SUGP1: variants seen among roughly 807,000 people sequenced by gnomAD.
The protein encoded by SUGP1 is SURP and G-patch domain containing 1.
SUGP1 carries 34 observed loss-of-function variants against 76.5 expected under a neutral mutation model. That is an observed-to-expected ratio of 0.44 (90% CI 0.34 to 0.59). SUGP1 has a LOEUF of 0.59. Ranked by LOEUF, SUGP1 falls within the 20% of genes least tolerant of loss-of-function variation. SUGP1 has a pLI of 0.01. For missense variants in SUGP1, 752 were observed against 851.7 expected, an observed-to-expected ratio of 0.88 and a Z score of 1.46; for synonymous variants, 326 against 326.2, an observed-to-expected ratio of 1.00 and a Z score of 0.01.
At chr19:19,276,809 G>GC in intron 13 of SUGP1, 135 bp from the exon 14 acceptor site, 1 of 1,538,486 alleles carries the variant, frequency 6.5e-7, no homozygotes. Context: ...ACGGGTGGGG[G>GC]CTTGAATGCA....
chr19:19,288,525 G>A (rs1376018384), intron 8 of SUGP1, among the ~76,000 whole-genome samples: 3 of 152,104 alleles, frequency 2.0e-5, no homozygotes, highest in Non-Finnish European at 4.4e-5. Flanking sequence ...TAGAGGCTGA[G>A]GTGGGCAGAC....
chr19:19,280,539 A>G lies in SUGP1; in HGVS notation c.1244-248T>C, dbSNP rs2061090450. On this transcript the variant is annotated intron_variant, in intron 8 of 13. Coordinates refer to ENST00000247001, the MANE Select transcript of SUGP1 (RefSeq NM_172231.4). ...GGCTCTACGCACCACCACATTGCAG[A>G]TGTGGACACCAAGAATCAGAGGTTC... 2.3e-5 allele frequency: 11 copies of G among 475,828 alleles called. No homozygotes were observed. In the Admixed American group the frequency reaches 3.7e-4, roughly 16 times the overall value. 29.5% of individuals were successfully genotyped at this position (475,828 alleles called of 1,614,324 possible).
intron 9 of SUGP1, 138 bp from the exon 10 acceptor site, chr19:19,279,528 G>A: frequency 1.1e-6 from 1 of 930,414 alleles, no homozygotes; most frequent in Non-Finnish European, 1.6e-6. Context: ...ACTGGAGCAA[G>A]GACTCTAGCA....
At chr19:19,308,069 C>T (rs1256141509) in intron 3 of SUGP1, among the ~76,000 whole-genome samples, 2 of 152,152 alleles carry the variant, frequency 1.3e-5, no homozygotes, top group Non-Finnish European at 2.9e-5. Flanking sequence ...TGCTCTGTCT[C>T]CTAGGCTAGA....
intron 7 of SUGP1, chr19:19,301,754 A>G (rs2061273430): frequency 1.3e-5 from 2 of 154,924 alleles, no homozygotes; most frequent in Admixed American, 1.3e-4. Flanking sequence ...ATGGCCGGGG[A>G]TGGCAGGGAG....
At chr19:19,303,663 C>T (rs921663997) in intron 5 of SUGP1, 61 bp downstream of exon 5, 6 of 1,588,386 alleles carry the variant, frequency 3.8e-6, no homozygotes, top group African/African-American at 1.3e-5. Flanking sequence ...CAGCCCCACA[C>T]GTGCGACTGT....
At chr19:19,318,558 G>A (rs2146634421) in intron 1 of SUGP1, among the ~76,000 whole-genome samples, 1 of 152,096 alleles carries the variant, frequency 6.6e-6, no homozygotes, top group Admixed American at 6.5e-5. Context: ...CCACCCGAGT[G>A]GCTAGGACTA....
At chr19:19,311,378 T>G (rs1859287) in intron 2 of SUGP1, among the ~76,000 whole-genome samples, 1 of 150,774 alleles carries the variant, frequency 6.6e-6, no homozygotes, top group Non-Finnish European at 1.5e-5. Context: ...GAAGATAAAA[T>G]ATAAAATGCC....
intron 8 of SUGP1, among the ~76,000 whole-genome samples, chr19:19,289,987 G>A (rs140123619): frequency 3.9e-5 from 6 of 152,038 alleles, no homozygotes; most frequent in Admixed American, 6.6e-5. Flanking sequence ...CCATGTACTC[G>A]GCCCCCAACC....
chr19:19,294,021 C>A (rs1459309995), intron 8 of SUGP1, among the ~76,000 whole-genome samples: 2 of 151,634 alleles, frequency 1.3e-5, no homozygotes, highest in Non-Finnish European at 2.9e-5. Flanking sequence ...CTCATATCGA[C>A]ACAAAAAATG....
In SUGP1 at chr19:19,316,322, G is replaced by A. The variant is rs989135442; in HGVS notation, c.206+100C>T. On this transcript the variant is annotated intron_variant, in intron 2 of 13. Transcript: ENST00000247001. ...TCCTTGGATCATCAGGCTATGGCTG[G>A]GTGCAAGCACATGCTGACTGCCCTC... 50 of 1,425,366 alleles carry A rather than the reference G, an allele frequency of 3.5e-5. 1 individual carries two copies. Among genetic ancestry groups the A allele is most frequent in the Non-Finnish European group, 4.7e-5 (49 of 1,046,304 alleles). 88.3% of individuals were successfully genotyped at this position (1,425,366 alleles called of 1,614,324 possible).
chr19:19,294,637 G>T (rs924106510), intron 8 of SUGP1, among the ~76,000 whole-genome samples: 1 of 151,636 alleles, frequency 6.6e-6, no homozygotes, highest in African/African-American at 2.4e-5. Context: ...CCTTAAAAAT[G>T]ACACCAAAAG....
intron 4 of SUGP1, 88 bp downstream of exon 4, chr19:19,305,761 C>A: frequency 7.3e-7 from 1 of 1,367,244 alleles, no homozygotes; most frequent in Non-Finnish European, 1.0e-6. Flanking sequence ...CACCCATGCC[C>A]CTGGCAGCAC....
chr19:19,276,305 CCT>C lies in SUGP1; in HGVS notation c.*341_*342del, dbSNP rs2061049169. 1 of 250,724 alleles carries C rather than the reference CCT, an allele frequency of 4.0e-6. No individual in the cohort carries two copies. Among genetic ancestry groups the C allele is most frequent in the Non-Finnish European group, 7.9e-6 (1 of 127,368 alleles). 15.5% of individuals were successfully genotyped at this position (250,724 alleles called of 1,614,324 possible). ...ACCTCCAGTGATCCGCCCGCCTTGGCCTCTCAAAGTGCTGGGATGACAGGGGT... is the reference window on the plus strand; with the variant it reads ...ACCTCCAGTGATCCGCCCGCCTTGGCCTCAAAGTGCTGGGATGACAGGGGT... On this transcript the variant is annotated 3_prime_UTR_variant, in exon 14 of 14. Coordinates refer to ENST00000247001, the MANE Select transcript of SUGP1 (RefSeq NM_172231.4).
intron 7 of SUGP1, among the ~76,000 whole-genome samples, chr19:19,299,466 G>A (rs1426259841): frequency 6.6e-6 from 1 of 151,950 alleles, no homozygotes; most frequent in African/African-American, 2.4e-5. Context: ...TCCGCCTCCC[G>A]GGTTCAGGCA....
intron 3 of SUGP1, 85 bp from the exon 4 acceptor site, chr19:19,306,161 C>CG (rs2061316658): frequency 1.1e-5 from 15 of 1,326,048 alleles, no homozygotes; most frequent in Admixed American, 3.0e-5. Flanking sequence ...CTGTGGGCCC[C>CG]GGGGGAGCTG....
intron 8 of SUGP1, among the ~76,000 whole-genome samples, chr19:19,289,733 G>A (rs999642617): frequency 1.4e-4 from 22 of 152,228 alleles, no homozygotes; most frequent in African/African-American, 3.9e-4. Context: ...GGGCGACAGA[G>A]GGAGACTCTG....
At chr19:19,278,453 A>G (rs1041579915) in intron 11 of SUGP1, among the ~76,000 whole-genome samples, 14 of 152,108 alleles carry the variant, frequency 9.2e-5, no homozygotes, top group Non-Finnish European at 1.8e-4. Flanking sequence ...CTCCACTGGA[A>G]GCAAAATTTC....
intron 11 of SUGP1, among the ~76,000 whole-genome samples, chr19:19,278,407 G>A (rs1055916909): frequency 1.3e-5 from 2 of 152,174 alleles, no homozygotes; most frequent in Admixed American, 6.6e-5. Flanking sequence ...GACTTCTGCC[G>A]GAGAAACACT....
Sources: allele counts gnomAD v4.1 joint callset (sites outside exome capture counted in the v4.1 genomes callset), GRCh38; gene constraint gnomAD v4.1.1; transcripts MANE v1.5; gene names NCBI Gene and HGNC (gene_info 2026-07-23, HGNC 2026-07-21).